Variants in FRMD3 observed in about 807,000 individuals in gnomAD.
The protein encoded by FRMD3 is FERM domain containing 3.
In FRMD3, 33 loss-of-function variants were observed where a neutral mutation model predicts 70.2. That is an observed-to-expected ratio of 0.47 (90% CI 0.36 to 0.63). The LOEUF (loss-of-function observed/expected upper bound fraction) is 0.63. FRMD3 is among the 20% of genes least tolerant of loss of function. The pLI, the probability that FRMD3 is intolerant of heterozygous loss-of-function variation, is 0.00. For missense variants in FRMD3, 632 were observed against 711.4 expected (o/e 0.89, Z 1.27); for synonymous variants, 279 against 255.9 (o/e 1.09, Z -0.86).
chr9:83,297,693 C>A, intron 12 of FRMD3: 1 of 469,038 alleles, frequency 2.1e-6, no homozygotes, highest in South Asian at 1.6e-5. Flanking sequence ...CCAAGATTCT[C>A]CAGCTTCTCT....
chr9:83,272,447 C>G (rs7026328), intron 13 of FRMD3, among the ~76,000 whole-genome samples: 43,217 of 151,696 alleles, frequency 0.28, 7,512 homozygotes, highest in African/African-American at 0.5. Flanking sequence ...GCGTGATCCC[C>G]GCTCGCTACA....
At chr9:83,559,082 A>G in the FRMD3 span, among the ~76,000 whole-genome samples, 1 of 152,244 alleles carries the variant, frequency 6.6e-6, no homozygotes, top group East Asian at 1.9e-4. Flanking sequence ...ATATAAAGTT[A>G]GCTGATAAAG....
At chr9:83,411,612 C>T (rs371561980) in intron 1 of FRMD3, among the ~76,000 whole-genome samples, 1 of 152,194 alleles carries the variant, frequency 6.6e-6, no homozygotes, top group Admixed American at 6.5e-5. Context: ...AGTGGGGATT[C>T]CCCCTTGCTT....
the FRMD3 span, among the ~76,000 whole-genome samples, chr9:83,563,158 C>T: frequency 6.6e-6 from 1 of 152,132 alleles, no homozygotes; most frequent in African/African-American, 2.4e-5. Context: ...GAATTAAGCA[C>T]CTTCCCAGTT....
intron 6 of FRMD3, among the ~76,000 whole-genome samples, chr9:83,324,562 T>A (rs748484073): frequency 8.5e-5 from 13 of 152,190 alleles, no homozygotes; most frequent in South Asian, 2.1e-4. Context: ...AAGAAATCAT[T>A]GGATGAAATA....
chr9:83,415,428 C>A (rs1487453281), intron 1 of FRMD3, among the ~76,000 whole-genome samples: 1 of 150,016 alleles, frequency 6.7e-6, no homozygotes, highest in Non-Finnish European at 1.5e-5. Context: ...TTCCTGAGAC[C>A]GAGAAAGGAA....
At chr9:83,533,141 A>G (rs533916269) in intron 1 of FRMD3, among the ~76,000 whole-genome samples, 1 of 152,324 alleles carries the variant, frequency 6.6e-6, no homozygotes, top group East Asian at 1.9e-4. Flanking sequence ...CCCAAGAGGC[A>G]GTGCTCCAGA....
At position 83,516,001 on chromosome 9, in the gene FRMD3, G is replaced by A. The variant is rs11559386; in HGVS notation, c.147+22084C>T. On this transcript the variant is annotated intron_variant, in intron 1 of 13. Transcript: ENST00000304195. ...CTATGGGAAGGAAAAACCGATACCA[G>A]CCACTACAAAAACAAACCAAAATGT... Among the ~76,000 whole-genome samples, 84 of 152,242 alleles carry A rather than the reference G, an allele frequency of 5.5e-4. 1 individual carries two copies. In the East Asian group the frequency reaches 0.015, roughly 27 times the overall value.
chr9:83,438,369 C>T (rs796911213), intron 1 of FRMD3, among the ~76,000 whole-genome samples: 33 of 152,042 alleles, frequency 2.2e-4, no homozygotes, highest in African/African-American at 7.2e-4. Context: ...GAGTCACAAA[C>T]TCTTTCTTTC....
At chr9:83,406,743 C>T (rs1477303677) in intron 1 of FRMD3, among the ~76,000 whole-genome samples, 3 of 152,174 alleles carry the variant, frequency 2.0e-5, no homozygotes, top group Non-Finnish European at 4.4e-5. Flanking sequence ...TAAATGTTAG[C>T]CAGCATCGGT....
At chr9:83,428,471 C>T (rs1019608800) in intron 1 of FRMD3, among the ~76,000 whole-genome samples, 2 of 151,836 alleles carry the variant, frequency 1.3e-5, no homozygotes, top group African/African-American at 2.4e-5. Context: ...TGGAAGGATA[C>T]TTCCATATAT....
rs1184226415 is a variant in FRMD3 at position 83,416,745 on chromosome 9, GTCTCTC to G, written c.148-27043_148-27038del. On this transcript the variant is annotated intron_variant, in intron 1 of 13. Coordinates refer to ENST00000304195, the MANE Select transcript of FRMD3 (RefSeq NM_174938.6). ...GGATGTCCCTAAAACATTTCTCTCT[GTCTCTC>G]TCTCTCTCTCTCTCTCTCTCTCTCT... Among the ~76,000 whole-genome samples, 153 of 102,284 alleles carry G rather than the reference GTCTCTC, an allele frequency of 1.5e-3. 1 individual carries two copies. The highest frequency in any genetic ancestry group is 2.1e-3 in the African/African-American group (55 of 25,914). 67.1% of individuals were successfully genotyped at this position (102,284 alleles called of 152,430 possible).
intron 2 of FRMD3, among the ~76,000 whole-genome samples, chr9:83,379,747 C>T (rs1042936695): frequency 2.0e-5 from 3 of 152,114 alleles, no homozygotes; most frequent in African/African-American, 7.2e-5. Context: ...TTGAAACTTC[C>T]TACCCCACCT....
intron 1 of FRMD3, among the ~76,000 whole-genome samples, chr9:83,462,455 C>A (rs1828002708): frequency 6.6e-6 from 1 of 152,156 alleles, no homozygotes; most frequent in Admixed American, 6.5e-5. Context: ...GGTTCTGATA[C>A]CTTTAGGGTC....
chr9:83,313,843 T>A lies in FRMD3; in HGVS notation c.597-96A>T. On this transcript the variant is annotated intron_variant, in intron 6 of 13. Transcript: ENST00000304195. ...ATAAAGTATGGTGTTCTAAGCTAAA[T>A]AAAGAGAAAAACCCTTACATAAATA... The A allele has an allele frequency of 1.1e-6, 1 of 918,292 alleles. No individual in the cohort carries two copies. Among genetic ancestry groups the A allele is most frequent in the Non-Finnish European group, 1.8e-6 (1 of 567,052 alleles). The allele number at this position is 918,292 out of a possible 1,614,324, so 56.9% of individuals were successfully genotyped here. A position where few individuals can be genotyped will look rare whatever the true frequency, so the allele number is the denominator to read the frequency against.
chr9:83,335,375 C>A, intron 6 of FRMD3, 141 bp downstream of exon 6: 1 of 780,820 alleles, frequency 1.3e-6, no homozygotes. Flanking sequence ...TTGACAGTGC[C>A]CAGAAAAATT....
chr9:83,247,727 A>G lies in FRMD3; in HGVS notation c.*191T>C. 1 of 1,427,772 alleles carries G rather than the reference A, an allele frequency of 7.0e-7. No individual in the cohort carries two copies. Among genetic ancestry groups the G allele is most frequent in the Non-Finnish European group, 9.2e-7 (1 of 1,089,074 alleles). 88.4% of individuals were successfully genotyped at this position (1,427,772 alleles called of 1,614,324 possible). Reference sequence around the variant, plus strand: ...AAGACCATCTTCCTAACCTGTAACTAAAATAACTGTATTTGATTTAAACTT... The same window carrying G: ...AAGACCATCTTCCTAACCTGTAACTGAAATAACTGTATTTGATTTAAACTT... On this transcript the variant is annotated 3_prime_UTR_variant, in exon 14 of 14. Transcript: ENST00000304195.
chr9:83,430,398 C>A (rs1214237553), intron 1 of FRMD3, among the ~76,000 whole-genome samples: 1 of 152,106 alleles, frequency 6.6e-6, no homozygotes, highest in East Asian at 1.9e-4. Context: ...ATTTTTATCC[C>A]TGTACATGTG....
chr9:83,585,244 A>G, the FRMD3 span, among the ~76,000 whole-genome samples: 4 of 152,344 alleles, frequency 2.6e-5, no homozygotes, highest in East Asian at 7.7e-4. Flanking sequence ...GAGCCCACTC[A>G]GCCAGGAGGA....
Sources: allele counts gnomAD v4.1 joint callset (sites outside exome capture counted in the v4.1 genomes callset), GRCh38; gene constraint gnomAD v4.1.1; transcripts MANE v1.5; gene names NCBI Gene and HGNC (gene_info 2026-07-23, HGNC 2026-07-21).